LRRC37A: variants seen among roughly 807,000 people sequenced by gnomAD.
LRRC37A encodes the protein leucine rich repeat containing 37A, also known as leucine-rich repeat-containing protein 37A.
A neutral mutation model predicts 35.4 loss-of-function variants in LRRC37A; 3 were observed. That is an observed-to-expected ratio of 0.08 (90% CI 0.04 to 0.22). The LOEUF (loss-of-function observed/expected upper bound fraction) is 0.22. Among genes scored for constraint, LRRC37A ranks in the 10% least tolerant of loss-of-function variants. The pLI, the probability that LRRC37A is intolerant of heterozygous loss-of-function variation, is 1.00. For missense variants in LRRC37A, 67 were observed against 565.3 expected (o/e 0.12, Z 8.94); for synonymous variants, 23 against 215.0 (o/e 0.11, Z 7.81).
the LRRC37A span, among the ~76,000 whole-genome samples, chr17:46,285,636 T>G: frequency 6.6e-6 from 1 of 152,184 alleles, no homozygotes; most frequent in Non-Finnish European, 1.5e-5. Flanking sequence ...AAAAATAAAA[T>G]GTATAAAGAA....
At chr17:46,266,762 C>T in the LRRC37A span, among the ~76,000 whole-genome samples, 8 of 152,064 alleles carry the variant, frequency 5.3e-5, no homozygotes, top group Non-Finnish European at 1.2e-4. Context: ...GGCGCCCAGG[C>T]CTCAGCCGCC....
the LRRC37A span, among the ~76,000 whole-genome samples, chr17:46,274,211 A>G: frequency 2.6e-5 from 4 of 152,254 alleles, no homozygotes; most frequent in Admixed American, 2.6e-4. Context: ...AACTATCTCC[A>G]TTTATTTTGT....
chr17:46,268,732 C>CGGCA, the LRRC37A span: 3 of 1,356,204 alleles, frequency 2.2e-6, no homozygotes, highest in Non-Finnish European at 2.9e-6. Context: ...CAAGAGACAT[C>CGGCA]GGCAACAAGA....
At chr17:46,304,984 T>C (rs2050477033) in intron 3 of LRRC37A, among the ~76,000 whole-genome samples, 1 of 80,260 alleles carries the variant, frequency 1.2e-5, no homozygotes, top group African/African-American at 3.2e-5. Context: ...TTCTCCTGCC[T>C]CAGCCTCCTG....
upstream of LRRC37A, among the ~76,000 whole-genome samples, chr17:46,289,639 C>T (rs1310070353): frequency 6.6e-6 from 1 of 152,152 alleles, no homozygotes; most frequent in African/African-American, 2.4e-5. Flanking sequence ...TGTGCCCAGC[C>T]AAAATCTGAC....
At chr17:46,327,101 G>T (rs1433931676) in intron 7 of LRRC37A, among the ~76,000 whole-genome samples, 1 of 86,500 alleles carries the variant, frequency 1.2e-5, no homozygotes, top group East Asian at 2.3e-4. Flanking sequence ...AAGAGTCAAA[G>T]ATAGCTGTCT....
At chr17:46,281,954 G>T in the LRRC37A span, among the ~76,000 whole-genome samples, 2 of 152,008 alleles carry the variant, frequency 1.3e-5, no homozygotes, top group Non-Finnish European at 2.9e-5. Flanking sequence ...TAGTTTTACA[G>T]ATTTTGTAGT....
the LRRC37A span, among the ~76,000 whole-genome samples, chr17:46,268,153 G>C: frequency 2.4e-4 from 36 of 151,778 alleles, 1 homozygote; most frequent in Admixed American, 2.1e-3. Context: ...GGCTGGTTAC[G>C]TATTGCTTTC....
At chr17:46,276,483 T>C in the LRRC37A span, among the ~76,000 whole-genome samples, 14 of 152,312 alleles carry the variant, frequency 9.2e-5, no homozygotes, top group African/African-American at 3.4e-4. Flanking sequence ...CAGTTCTGAT[T>C]CCAGTTAAAA....
rs62073246 is a variant in LRRC37A at position 46,327,876 on chromosome 17, G to T, written c.3054-516G>T. 5.3e-4 allele frequency among the ~76,000 whole-genome samples: 21 copies of T among 39,348 alleles called. 8 individuals carry two copies. The Admixed American group carries it at 6.6e-3, about 12-fold the overall frequency. 25.8% of individuals were successfully genotyped at this position (39,348 alleles called of 152,430 possible). ...GGATTCTTCTTTATATTAAATATGT[G>T]GTAACTTATTGTTGTTATTCTTTTG... On this transcript the variant is annotated intron_variant, in intron 7 of 13. Transcript: ENST00000320254.
chr17:46,271,241 C>T, the LRRC37A span, among the ~76,000 whole-genome samples: 7 of 150,920 alleles, frequency 4.6e-5, no homozygotes, highest in Admixed American at 2.0e-4. Flanking sequence ...TGTCAGCTCA[C>T]CGCAACCTCT....
At chr17:46,266,377 A>G in the LRRC37A span, among the ~76,000 whole-genome samples, 3 of 152,134 alleles carry the variant, frequency 2.0e-5, no homozygotes, top group Non-Finnish European at 4.4e-5. Flanking sequence ...TCGCCCGCAG[A>G]TCACAGGACA....
the LRRC37A span, chr17:46,260,717 G>A: frequency 1.0e-5 from 9 of 867,190 alleles, no homozygotes; most frequent in African/African-American, 1.9e-5. Flanking sequence ...TCCGCCTCCC[G>A]GGTTCAAGCG....
chr17:46,331,409 C>T (rs1347697631), exon 9 of LRRC37A: 1 of 759,372 alleles, frequency 1.3e-6, no homozygotes, highest in Non-Finnish European at 2.0e-6. Flanking sequence ...AGTATCTGCT[C>T]TTTCAGAACA....
At chr17:46,280,332 C>A in the LRRC37A span, among the ~76,000 whole-genome samples, 3 of 152,048 alleles carry the variant, frequency 2.0e-5, no homozygotes, top group Non-Finnish European at 4.4e-5. Flanking sequence ...CCACTGCACT[C>A]CAGCCTGGGC....
At chr17:46,253,196 C>T in the LRRC37A span, among the ~76,000 whole-genome samples, 1 of 147,174 alleles carries the variant, frequency 6.8e-6, no homozygotes, top group Non-Finnish European at 1.5e-5. Flanking sequence ...GACGGGGCGG[C>T]GGGGCAGAGG....
At chr17:46,263,943 C>T in the LRRC37A span, among the ~76,000 whole-genome samples, 21 of 152,074 alleles carry the variant, frequency 1.4e-4, no homozygotes, top group African/African-American at 4.1e-4. Flanking sequence ...GTGATCTGCC[C>T]GCCTCAGCCT....
At chr17:46,275,698 A>G in the LRRC37A span, among the ~76,000 whole-genome samples, 1 of 152,240 alleles carries the variant, frequency 6.6e-6, no homozygotes, top group African/African-American at 2.4e-5. Flanking sequence ...AGGCAACTGG[A>G]CAAATAGAGA....
the LRRC37A span, among the ~76,000 whole-genome samples, chr17:46,283,125 T>C: frequency 2.6e-5 from 4 of 152,098 alleles, no homozygotes; most frequent in East Asian, 5.8e-4. Context: ...CTCAAAAAAA[T>C]AAAATAAAAT....
Sources: allele counts gnomAD v4.1 joint callset (sites outside exome capture counted in the v4.1 genomes callset), GRCh38; gene constraint gnomAD v4.1.1; transcripts MANE v1.5; gene names NCBI Gene and HGNC (gene_info 2026-07-23, HGNC 2026-07-21).